The following CRISPLD2 variants were observed in gnomAD, a reference collection of about 807,000 sequenced individuals.
CRISPLD2 encodes cysteine-rich secretory protein LCCL domain-containing 2.
Under a neutral mutation model 71.1 loss-of-function variants are expected in CRISPLD2, and 47 were observed. The observed-to-expected ratio is 0.66, with a 90% CI of 0.52 to 0.84. The LOEUF is 0.84. Ranked by LOEUF, CRISPLD2 falls within the 40% of genes least tolerant of loss-of-function variation. The pLI is 0.00. For synonymous variants in CRISPLD2, 317 were observed against 250.1 expected (o/e 1.27, Z -2.52); for missense variants, 830 against 651.1 (o/e 1.27, Z -2.99).
At chr16:84,879,345 T>C (rs2071547881) in intron 12 of CRISPLD2, among the ~76,000 whole-genome samples, 1 of 149,458 alleles carries the variant, frequency 6.7e-6, no homozygotes, top group Non-Finnish European at 1.5e-5. Context: ...AGACTGTTCT[T>C]AGACTCTTTC....
chr16:84,904,860 A>G (rs1327077467), intron 14 of CRISPLD2, among the ~76,000 whole-genome samples: 3 of 152,240 alleles, frequency 2.0e-5, no homozygotes, highest in Non-Finnish European at 2.9e-5. Flanking sequence ...CAGATGTCTG[A>G]GAAAACAAGT....
rs1386634034 is a variant in CRISPLD2 at position 84,845,871 on chromosome 16, C to T, written c.326C>T (p.Ser109Phe). 2 of 1,613,774 alleles carry T rather than the reference C, an allele frequency of 1.2e-6. No individual in the cohort carries two copies. Among genetic ancestry groups the T allele is most frequent in the Non-Finnish European group, 8.5e-7 (1 of 1,179,652 alleles). ...WEHGPTSLLV[S>F]IGQNLGAHWG... is the part of the protein sequence containing the mutation. ...CACGGGCCCACCAGTCTGCTGGTGTCCATCGGGCAGAACCTGGGCGCTCAC... is the reference window on the plus strand; with the variant it reads ...CACGGGCCCACCAGTCTGCTGGTGTTCATCGGGCAGAACCTGGGCGCTCAC... Residue 109 changes from serine to phenylalanine, a missense_variant, in exon 3 of 15, where the codon TCC (serine) becomes TTC (phenylalanine). Transcript: ENST00000262424.
chr16:84,872,243 C>A (rs1312170075), intron 8 of CRISPLD2, among the ~76,000 whole-genome samples, 199 bp from the exon 9 acceptor site: 1 of 152,102 alleles, frequency 6.6e-6, no homozygotes, highest in Non-Finnish European at 1.5e-5. Context: ...CCACGGATAC[C>A]GAGGGACGAC....
chr16:84,847,177 C>T (rs750004830), intron 3 of CRISPLD2, among the ~76,000 whole-genome samples: 3 of 152,198 alleles, frequency 2.0e-5, no homozygotes, highest in Non-Finnish European at 4.4e-5. Context: ...TTTGCTTTCA[C>T]TTCCCACAGA....
chr16:84,862,976 A>T (rs138381328), intron 6 of CRISPLD2: 4 of 152,280 alleles, frequency 2.6e-5, no homozygotes, highest in African/African-American at 7.2e-5. Flanking sequence ...CAGACCATGT[A>T]TCTGGGTCTG....
At chr16:84,840,491 C>T (rs918147279) in intron 2 of CRISPLD2, among the ~76,000 whole-genome samples, 4 of 151,994 alleles carry the variant, frequency 2.6e-5, no homozygotes, top group African/African-American at 4.8e-5. Flanking sequence ...GGTGCTAATA[C>T]GTATTTATTG....
At chr16:84,902,697 G>A (rs1052292104) in intron 14 of CRISPLD2, among the ~76,000 whole-genome samples, 2 of 151,796 alleles carry the variant, frequency 1.3e-5, no homozygotes, top group African/African-American at 4.8e-5. Context: ...CTATCCTGCT[G>A]GCTCAGAGGG....
chr16:84,879,490 G>A (rs373098947), intron 12 of CRISPLD2, among the ~76,000 whole-genome samples: 6 of 151,858 alleles, frequency 4.0e-5, no homozygotes, highest in African/African-American at 9.7e-5. Flanking sequence ...AGCGTCCCGC[G>A]TAGCTGGGAT....
chr16:84,889,463 A>T (rs2071642260), intron 14 of CRISPLD2, 100 bp downstream of exon 14: 2 of 1,294,964 alleles, frequency 1.5e-6, no homozygotes, highest in South Asian at 3.4e-5. Context: ...TTTAAAATAA[A>T]ACTCGGGTAG....
chr16:84,822,626 C>T (rs575571822), intron 1 of CRISPLD2, among the ~76,000 whole-genome samples: 30 of 152,146 alleles, frequency 2.0e-4, no homozygotes, highest in Non-Finnish European at 3.7e-4. Flanking sequence ...ATCACTCAAA[C>T]GGGCTGACGG....
intron 2 of CRISPLD2, among the ~76,000 whole-genome samples, chr16:84,844,348 G>T (rs1201747271): frequency 6.6e-6 from 1 of 152,226 alleles, no homozygotes; most frequent in Non-Finnish European, 1.5e-5. Context: ...TCTCATTGTG[G>T]TAAAGTATAC....
At chr16:84,886,675 TAGTC>T (rs199892807) in intron 13 of CRISPLD2, among the ~76,000 whole-genome samples, 4,448 of 152,190 alleles carry the variant, frequency 0.029, 107 homozygotes, top group Middle Eastern at 0.058. Flanking sequence ...ATGGAAAAAT[TAGTC>T]AGGCGTGGTG....
intron 1 of CRISPLD2, among the ~76,000 whole-genome samples, chr16:84,823,317 A>C (rs1168332712): frequency 6.6e-6 from 1 of 152,196 alleles, no homozygotes; most frequent in Admixed American, 6.5e-5. Context: ...TCTGCTGTGA[A>C]CATTTGTGTA....
chr16:84,886,971 C>T (rs1010967013), intron 13 of CRISPLD2, among the ~76,000 whole-genome samples: 1 of 152,190 alleles, frequency 6.6e-6, no homozygotes, highest in African/African-American at 2.4e-5. Flanking sequence ...CTGCAACTTC[C>T]CGCTTCCCCT....
rs931082264 is a variant in CRISPLD2, at chr16:84,849,295, C to A, written c.360-90C>A. Reference sequence around the variant, plus strand: ...GGCCGCTATTCACCCTCCTCGGCCTCCCTCCCTCCTACCTGCCCGTGGCTG... The same window carrying A: ...GGCCGCTATTCACCCTCCTCGGCCTACCTCCCTCCTACCTGCCCGTGGCTG... On this transcript the variant is annotated intron_variant, in intron 3 of 14. Transcript: ENST00000262424. 9 of 1,328,670 alleles carry A rather than the reference C, an allele frequency of 6.8e-6. No individual in the cohort carries two copies. The African/African-American group carries it at 1.3e-4, about 19-fold the overall frequency. 82.3% of individuals were successfully genotyped at this position (1,328,670 alleles called of 1,614,324 possible).
chr16:84,896,225 G>A (rs1002154736), intron 14 of CRISPLD2, among the ~76,000 whole-genome samples: 3 of 151,666 alleles, frequency 2.0e-5, no homozygotes, highest in Non-Finnish European at 4.4e-5. Context: ...ATATATATAT[G>A]TTTAGTAGAG....
intron 14 of CRISPLD2, among the ~76,000 whole-genome samples, chr16:84,900,268 G>T (rs1376097653): frequency 6.6e-6 from 1 of 152,000 alleles, no homozygotes; most frequent in Non-Finnish European, 1.5e-5. Flanking sequence ...AAACAACCAG[G>T]AATTCCAAGC....
intron 11 of CRISPLD2, among the ~76,000 whole-genome samples, chr16:84,876,280 T>C (rs2143300652): frequency 6.6e-6 from 1 of 152,268 alleles, no homozygotes; most frequent in East Asian, 1.9e-4. Flanking sequence ...GGCAGATGGG[T>C]CACCTGAGGT....
intron 11 of CRISPLD2, among the ~76,000 whole-genome samples, chr16:84,875,612 A>G (rs1398630694): frequency 6.6e-6 from 1 of 151,370 alleles, no homozygotes; most frequent in Non-Finnish European, 1.5e-5. Context: ...CCTGGAGTGC[A>G]GTGGCGCAAT....
Sources: allele counts gnomAD v4.1 joint callset (sites outside exome capture counted in the v4.1 genomes callset), GRCh38; gene constraint gnomAD v4.1.1; transcripts MANE v1.5; gene names NCBI Gene and HGNC (gene_info 2026-07-23, HGNC 2026-07-21).